NSG2: variants seen among roughly 807,000 people sequenced by gnomAD.
NSG2 encodes the protein neuronal vesicle trafficking-associated protein 2.
In NSG2, 4 loss-of-function variants were observed where a neutral mutation model predicts 16.9. The observed-to-expected ratio is 0.24, with a 90% CI of 0.12 to 0.54. The LOEUF is 0.54. Among genes scored for constraint, NSG2 ranks in the 20% least tolerant of loss-of-function variants. The pLI, the probability that NSG2 is intolerant of heterozygous loss-of-function variation, is 0.95. For missense variants in NSG2, 179 were observed against 221.1 expected (o/e 0.81, Z 1.21); for synonymous variants, 98 against 88.7 (o/e 1.11, Z -0.59).
At chr5:174,100,355 G>C (rs544204962) in intron 3 of NSG2, among the ~76,000 whole-genome samples, 2 of 152,344 alleles carry the variant, frequency 1.3e-5, no homozygotes, top group African/African-American at 4.8e-5. Context: ...GATAGGGCTA[G>C]AGCTCCAGGA....
intron 3 of NSG2, among the ~76,000 whole-genome samples, chr5:174,095,713 TCAG>T (rs1324033985): frequency 2.0e-5 from 3 of 152,218 alleles, no homozygotes; most frequent in African/African-American, 4.8e-5. Context: ...CGACCCACTT[TCAG>T]GTCCCACATG....
At chr5:174,078,831 G>A (rs1410938867) in intron 3 of NSG2, among the ~76,000 whole-genome samples, 2 of 152,162 alleles carry the variant, frequency 1.3e-5, no homozygotes, top group Non-Finnish European at 2.9e-5. Flanking sequence ...ATCTCCTGGT[G>A]CCTTCATCTT....
chr5:174,068,884 G>A (rs1183157748), intron 3 of NSG2, among the ~76,000 whole-genome samples: 2 of 142,482 alleles, frequency 1.4e-5, no homozygotes, highest in African/African-American at 2.6e-5. Flanking sequence ...GGTGTCGTGG[G>A]AATCCTGGTG....
rs371852926 is a variant in NSG2, at chr5:174,068,725, G to A, written c.213+4410G>A. On this transcript the variant is annotated intron_variant, in intron 3 of 4. Coordinates refer to ENST00000303177, the MANE Select transcript of NSG2 (RefSeq NM_015980.5). Reference sequence around the variant, plus strand: ...GCTGTGGAAGGTGCTGGTGTCATGGGAATCCTGGTGCTATGGAAGGTGCTG... The same window carrying A: ...GCTGTGGAAGGTGCTGGTGTCATGGAAATCCTGGTGCTATGGAAGGTGCTG... Among the ~76,000 whole-genome samples the A allele has an allele frequency of 2.5e-4, 34 of 135,552 alleles. No homozygotes were observed. The East Asian group carries it at 5.7e-3, about 23-fold the overall frequency. 88.9% of individuals were successfully genotyped at this position (135,552 alleles called of 152,430 possible). A position where few individuals can be genotyped will look rare whatever the true frequency, so the allele number is the denominator to read the frequency against.
intron 3 of NSG2, among the ~76,000 whole-genome samples, chr5:174,103,046 C>T (rs1760925913): frequency 6.6e-6 from 1 of 151,304 alleles, no homozygotes; most frequent in Non-Finnish European, 1.5e-5. Context: ...ACCTCGGCCT[C>T]CCAAAGTGCT....
At chr5:174,084,898 T>G (rs1169503948) in intron 3 of NSG2, among the ~76,000 whole-genome samples, 1 of 152,254 alleles carries the variant, frequency 6.6e-6, no homozygotes, top group Non-Finnish European at 1.5e-5. Flanking sequence ...GTGCGTGCAC[T>G]CCTGTGTCTA....
intron 3 of NSG2, among the ~76,000 whole-genome samples, chr5:174,078,384 T>C (rs1760384560): frequency 6.6e-6 from 1 of 152,196 alleles, no homozygotes; most frequent in African/African-American, 2.4e-5. Context: ...CTTGCTTCTT[T>C]CTCTTAATAA....
Position 174,045,800 on chromosome 5 carries a change from C to A in NSG2, c.-66C>A, listed in dbSNP as rs1176716913. 1 of 152,434 alleles carries A rather than the reference C, an allele frequency of 6.6e-6. No individual in the cohort carries two copies. Among genetic ancestry groups the A allele is most frequent in the Non-Finnish European group, 1.5e-5 (1 of 68,082 alleles). The allele number at this position is 152,434 out of a possible 1,614,324, so 9.4% of individuals were successfully genotyped here. A position where few individuals can be genotyped will look rare whatever the true frequency, so the allele number is the denominator to read the frequency against. ...GACTCCTGGCCGTCCTCCTCCTCTT[C>A]AAATTGGCTTGAATCTGCTCTGACC... On this transcript the variant is annotated 5_prime_UTR_variant, in exon 1 of 5. Transcript: ENST00000303177.
chr5:174,095,481 T>C (rs1176512841), intron 3 of NSG2, among the ~76,000 whole-genome samples: 1 of 152,114 alleles, frequency 6.6e-6, no homozygotes, highest in Admixed American at 6.5e-5. Context: ...AAATCCCGCC[T>C]CCCGTTTTCA....
chr5:174,085,422 C>A (rs528301387), intron 3 of NSG2, among the ~76,000 whole-genome samples: 1 of 152,182 alleles, frequency 6.6e-6, no homozygotes, highest in Non-Finnish European at 1.5e-5. Context: ...CTTTCAGGTT[C>A]CTGCATCCCA....
rs34781452 is a variant in NSG2 at position 174,102,749 on chromosome 5, GTTT to G, written c.214-1473_214-1471del. Among the ~76,000 whole-genome samples, 5 of 148,088 alleles carry G rather than the reference GTTT, an allele frequency of 3.4e-5. No homozygotes were observed. In the South Asian group the frequency reaches 8.6e-4, roughly 25 times the overall value. On this transcript the variant is annotated intron_variant, in intron 3 of 4. Transcript: ENST00000303177. Reference sequence around the variant, plus strand: ...TTCGAGCAGAAAAGGGCCATGCTTTGTTTTTTTTATTTATTTATTTATTTATTT... The same window carrying G: ...TTCGAGCAGAAAAGGGCCATGCTTTGTTTTTATTTATTTATTTATTTATTT...
At chr5:174,080,509 TTCCCTCTTTCTTTCTTTCTC>T (rs1373966355) in intron 3 of NSG2, among the ~76,000 whole-genome samples, 8 of 113,196 alleles carry the variant, frequency 7.1e-5, no homozygotes, top group Non-Finnish European at 9.3e-5. Flanking sequence ...CTTTCTTTCT[TTCCCTCTTTCTTTCTTTCTC>T]TCTCTCTCTC....
Position 174,107,550 on chromosome 5 carries a change from C to A in NSG2, c.*45C>A. On this transcript the variant is annotated 3_prime_UTR_variant, in exon 5 of 5. Coordinates refer to ENST00000303177, the MANE Select transcript of NSG2 (RefSeq NM_015980.5). The surrounding 1 kb of genome is among the most constrained non-coding windows in gnomAD (Gnocchi z 4.5). ...TGGGGGGCGGGGTGGAGAGGAGGAC[C>A]CCCATTGGCTAAGCCAAGCTCCAGT... is the stretch of plus-strand genomic sequence containing the variant. 6.4e-7 allele frequency: 1 copy of A among 1,560,276 alleles called. No individual in the cohort carries two copies. The highest frequency in any genetic ancestry group is 1.2e-5 in the South Asian group (1 of 86,800).
chr5:174,097,775 TTCTC>T (rs1307662415), intron 3 of NSG2, among the ~76,000 whole-genome samples: 2 of 146,520 alleles, frequency 1.4e-5, no homozygotes, highest in Admixed American at 6.8e-5. Context: ...GTGTGTACCT[TTCTC>T]TCAGTGTGTG....
At chr5:174,090,874 C>A (rs1760710331) in intron 3 of NSG2, among the ~76,000 whole-genome samples, 1 of 152,150 alleles carries the variant, frequency 6.6e-6, no homozygotes, top group East Asian at 1.9e-4. Flanking sequence ...TTATTCTTAT[C>A]CTTGCAAGAA....
intron 2 of NSG2, among the ~76,000 whole-genome samples, 167 bp from the exon 3 acceptor site, chr5:174,064,065 G>A (rs1760100234): frequency 6.6e-6 from 1 of 152,200 alleles, no homozygotes. Flanking sequence ...CTGTTGGAAT[G>A]GGGAAGTATT....
chr5:174,064,229 C>T lies in NSG2; in HGVS notation c.130-3C>T, dbSNP rs769175814. 1.2e-6 allele frequency: 2 copies of T among 1,604,284 alleles called. No homozygotes were observed. The highest frequency in any genetic ancestry group is 1.1e-5 in the South Asian group (1 of 89,452). ...ATGCTAACACACTGGTTGACTCTTT[C>T]AGGTGATTGTGAAGACAAGAACGGA... On this transcript the variant is annotated splice_polypyrimidine_tract_variant and splice_region_variant and intron_variant, in intron 2 of 4. Transcript: ENST00000303177.
chr5:174,066,989 C>CAAAAAAA (rs543368373), intron 3 of NSG2, among the ~76,000 whole-genome samples: 7 of 27,944 alleles, frequency 2.5e-4, no homozygotes, highest in African/African-American at 3.9e-4. Context: ...GACTCTGTCT[C>CAAAAAAA]AAAAAAAAAA....
At chr5:174,062,466 G>A (rs935943694) in intron 2 of NSG2, 5 of 152,168 alleles carry the variant, frequency 3.3e-5, no homozygotes, top group African/African-American at 1.2e-4. Context: ...TGGGTAGGAA[G>A]AAAATAAAAA....
Sources: gnomAD v4.1 joint callset for allele counts (sites outside exome capture counted in the v4.1 genomes callset) on GRCh38, gnomAD v4.1.1 for gene constraint, Gnocchi (gnomAD v3.1) non-coding constraint, MANE v1.5 for transcripts, NCBI Gene and HGNC (gene_info 2026-07-23, HGNC 2026-07-21) for gene names.